GPX6: variants seen among roughly 807,000 people sequenced by gnomAD.
GPX6 encodes the protein glutathione peroxidase 6 (olfactory).
A neutral mutation model predicts 20.0 loss-of-function variants in GPX6; 21 were observed. The observed-to-expected ratio is 1.05, with a 90% CI of 0.74 to 1.51. GPX6 has a LOEUF of 1.51. GPX6 is among the 40% of genes most tolerant of loss of function. GPX6 has a pLI of 0.00. For synonymous variants in GPX6, 75 were observed against 98.0 expected, an observed-to-expected ratio of 0.77 and a Z score of 1.38; for missense variants, 233 against 254.7, an observed-to-expected ratio of 0.91 and a Z score of 0.58.
intron 1 of GPX6, among the ~76,000 whole-genome samples, chr6:28,513,024 A>C (rs1171257263): frequency 6.6e-6 from 1 of 152,150 alleles, no homozygotes; most frequent in African/African-American, 2.4e-5. Context: ...GAGGCCAAAA[A>C]CCCACCAATT....
chr6:28,508,398 G>A (rs1014200517), intron 2 of GPX6, among the ~76,000 whole-genome samples: 2 of 152,176 alleles, frequency 1.3e-5, no homozygotes, highest in Admixed American at 6.5e-5. Context: ...CCTTTGGCAA[G>A]TTCTTTTAAC....
intron 1 of GPX6, among the ~76,000 whole-genome samples, chr6:28,514,131 A>G (rs756999194): frequency 1.3e-5 from 2 of 152,204 alleles, no homozygotes; most frequent in Non-Finnish European, 2.9e-5. Flanking sequence ...TGCTACTATA[A>G]TAAAAAGTCA....
At chr6:28,509,403 G>T (rs2113600612) in intron 2 of GPX6, among the ~76,000 whole-genome samples, 1 of 151,382 alleles carries the variant, frequency 6.6e-6, no homozygotes, top group South Asian at 2.1e-4. Flanking sequence ...ATATAGTGGT[G>T]CATGCCTGTA....
chr6:28,514,007 G>A (rs976910359), intron 1 of GPX6, among the ~76,000 whole-genome samples: 2 of 152,188 alleles, frequency 1.3e-5, no homozygotes, highest in Admixed American at 1.3e-4. Flanking sequence ...CAATATTTGG[G>A]AACATTAGCC....
chr6:28,515,549 G>T, intron 1 of GPX6, 108 bp downstream of exon 1: 1 of 767,956 alleles, frequency 1.3e-6, no homozygotes, highest in Non-Finnish European at 2.3e-6. Flanking sequence ...GGCTGGGAAT[G>T]CAGATCTTGT....
At chr6:28,511,882 G>A (rs1398489721) in intron 1 of GPX6, among the ~76,000 whole-genome samples, 1 of 152,254 alleles carries the variant, frequency 6.6e-6, no homozygotes, top group Non-Finnish European at 1.5e-5. Context: ...TGGCACTTGC[G>A]GGCCAGCGCG....
chr6:28,512,833 G>C (rs6935589), intron 1 of GPX6, among the ~76,000 whole-genome samples: 1 of 151,548 alleles, frequency 6.6e-6, no homozygotes, highest in Non-Finnish European at 1.5e-5. Flanking sequence ...GCTGCCTTAA[G>C]AGCTGTAACA....
Position 28,508,831 on chromosome 6 carries a change from A to ACCG in GPX6, c.241+1919_241+1920insCGG, listed in dbSNP as rs34550410. Among the ~76,000 whole-genome samples the ACCG allele has an allele frequency of 8.6e-3, 1,307 of 151,814 alleles. 10 individuals are homozygous for ACCG. Among genetic ancestry groups the ACCG allele is most frequent in the East Asian group, 0.065 (338 of 5,162 alleles). On this transcript the variant is annotated intron_variant, in intron 2 of 4. Transcript: ENST00000361902. ...CAAAAATAATAGTAATAACAAAGGGACCCCCAAATTATTTTAAATGTGTGA... is the reference window on the plus strand; with the variant it reads ...CAAAAATAATAGTAATAACAAAGGGACCGCCCCCAAATTATTTTAAATGTGTGA...
At position 28,505,749 on chromosome 6, in the gene GPX6, C is replaced by A; in HGVS notation, c.413G>T (p.Gly138Val). 1 of 1,614,034 alleles carries A rather than the reference C, an allele frequency of 6.2e-7. No individual in the cohort carries two copies. Among genetic ancestry groups the A allele is most frequent in the Non-Finnish European group, 8.5e-7 (1 of 1,179,904 alleles). ...FVPSFQLFEK[G>V]DVNGEKEQKV... ...CTGTTCTTTTTCTCCATTCACATCC[C>A]CTTTCTCAAAGAGCTGGAAACTGGG... Residue 138 changes from glycine to valine, a missense_variant, in exon 4 of 5, where the codon GGG becomes GTG. Gly to Val is a moderately radical substitution (Grantham distance 109, BLOSUM62 -3). Transcript: ENST00000361902.
intron 1 of GPX6, among the ~76,000 whole-genome samples, chr6:28,512,714 G>A (rs965671107): frequency 4.6e-5 from 7 of 152,140 alleles, no homozygotes; most frequent in Non-Finnish European, 1.0e-4. Flanking sequence ...CATTCTTGGG[G>A]TCCACACTGC....
intron 2 of GPX6, among the ~76,000 whole-genome samples, chr6:28,507,910 A>G (rs961682963): frequency 6.6e-6 from 1 of 152,192 alleles, no homozygotes; most frequent in African/African-American, 2.4e-5. Flanking sequence ...TGTATGTGAT[A>G]TATGTGAAAA....
In GPX6 at chr6:28,512,968, C is replaced by T. The variant is rs536188576; in HGVS notation, c.88-2064G>A. Among the ~76,000 whole-genome samples the T allele has an allele frequency of 2.2e-3, 329 of 152,210 alleles. 2 individuals carry two copies. Among genetic ancestry groups the T allele is most frequent in the South Asian group, 0.015 (72 of 4,820 alleles). On this transcript the variant is annotated intron_variant, in intron 1 of 4. Coordinates refer to ENST00000361902, the MANE Select transcript of GPX6 (RefSeq NM_182701.1). ...ATCCGAACATCAGAAGGAACAAATT[C>T]TGGACACGCTGCCTTAAAGAACTGG...
chr6:28,515,678 G>A lies in GPX6; in HGVS notation c.66C>T (p.Thr22=). The part of the protein sequence containing the change: ...LFFLVGFAQQ[T]LKPQNRKVDC... ...TCACCTTCCTATTTTGAGGCTTTAG[G>A]GTCTGCTGAGCAAAGCCAACCAGGA... Residue 22 remains threonine (T), a synonymous_variant, in exon 1 of 5, where the codon ACC becomes ACT. Coordinates refer to ENST00000361902, the MANE Select transcript of GPX6 (RefSeq NM_182701.1). 1 of 1,613,888 alleles carries A rather than the reference G, an allele frequency of 6.2e-7. No homozygotes were observed. Among genetic ancestry groups the A allele is most frequent in the East Asian group, 2.2e-5 (1 of 44,882 alleles).
intron 1 of GPX6, among the ~76,000 whole-genome samples, chr6:28,513,197 C>T (rs954757847): frequency 9.9e-5 from 15 of 152,130 alleles, no homozygotes; most frequent in Admixed American, 2.0e-4. Flanking sequence ...ACGTGTGATC[C>T]GATTCTTCTC....
intron 1 of GPX6, among the ~76,000 whole-genome samples, 193 bp downstream of exon 1, chr6:28,515,464 G>A (rs1763007791): frequency 6.6e-6 from 1 of 152,212 alleles, no homozygotes; most frequent in Non-Finnish European, 1.5e-5. Context: ...AGGTGCAGAG[G>A]AAAAGATGCA....
chr6:28,510,071 C>T (rs759395309), intron 2 of GPX6, among the ~76,000 whole-genome samples: 1 of 152,228 alleles, frequency 6.6e-6, no homozygotes, highest in Non-Finnish European at 1.5e-5. Context: ...GAAACATAAA[C>T]AACTTCATAG....
chr6:28,513,597 T>C (rs2113610415), intron 1 of GPX6, among the ~76,000 whole-genome samples: 1 of 152,260 alleles, frequency 6.6e-6, no homozygotes, highest in African/African-American at 2.4e-5. Context: ...TGAATTAAAG[T>C]TCATAAAATA....
Position 28,505,787 on chromosome 6 carries a change from A to G in GPX6, c.375T>C (p.Gly125=). The change falls in exon 4 of 5, where the codon GGT becomes GGC. Residue 125 remains glycine, a synonymous_variant. Coordinates refer to ENST00000361902, the MANE Select transcript of GPX6 (RefSeq NM_182701.1). ...GCTGGAAACTGGGGACAAAGCCACT[A>G]CCTGGACACACATACCTGCAGTGAA... is the stretch of plus-strand genomic sequence containing the variant. ...ILLGLKYVCP[G]SGFVPSFQLF... 2 of 1,613,852 alleles carry G rather than the reference A, an allele frequency of 1.2e-6. No individual in the cohort carries two copies. The highest frequency in any genetic ancestry group is 3.3e-4 in the Middle Eastern group (2 of 6,058).
At chr6:28,513,491 AG>A (rs2113610063) in intron 1 of GPX6, among the ~76,000 whole-genome samples, 1 of 152,288 alleles carries the variant, frequency 6.6e-6, no homozygotes, top group South Asian at 2.1e-4. Context: ...GCCTTGTGAG[AG>A]GGACAAGGGA....
Sources: allele counts gnomAD v4.1 joint callset (sites outside exome capture counted in the v4.1 genomes callset), GRCh38; gene constraint gnomAD v4.1.1; transcripts MANE v1.5; gene names NCBI Gene and HGNC (gene_info 2026-07-23, HGNC 2026-07-21).